The following SPATA13 variants were observed in gnomAD, a reference collection of about 807,000 sequenced individuals.
SPATA13 encodes spermatogenesis-associated protein 13.
SPATA13 carries 50 observed loss-of-function variants against 104.0 expected under a neutral mutation model. That is an observed-to-expected ratio of 0.48 (90% confidence interval 0.38 to 0.61). SPATA13 has a LOEUF of 0.61. SPATA13 is among the 20% of genes least tolerant of loss of function. The pLI is 0.00. For synonymous variants in SPATA13, 606 were observed against 667.5 expected (o/e 0.91, Z 1.42); for missense variants, 1,524 against 1,690.6 (o/e 0.90, Z 1.73).
At chr13:24,208,234 T>C (rs982430756) in intron 1 of SPATA13, among the ~76,000 whole-genome samples, 2 of 152,196 alleles carry the variant, frequency 1.3e-5, no homozygotes, top group Admixed American at 1.3e-4. Flanking sequence ...GTGACGGAAC[T>C]GGGGAGTGAT....
intron 3 of SPATA13, among the ~76,000 whole-genome samples, chr13:24,065,786 G>A (rs906109107): frequency 2.6e-5 from 4 of 152,104 alleles, no homozygotes; most frequent in South Asian, 2.1e-4. Flanking sequence ...TAGTTCTTTC[G>A]ACAATGCTGT....
At position 24,275,831 on chromosome 13, in the gene SPATA13, G is replaced by A. The variant is rs1343655053; in HGVS notation, c.2165-8304G>A. Among the ~76,000 whole-genome samples, 5 of 152,354 alleles carry A rather than the reference G, an allele frequency of 3.3e-5. No homozygotes were observed. In the East Asian group the frequency reaches 9.6e-4, roughly 29 times the overall value. On this transcript the variant is annotated intron_variant, in intron 4 of 12. Coordinates refer to ENST00000382108, the MANE Select transcript of SPATA13 (RefSeq NM_001166271.3). ...CACCTGTAATCTCAGCTACTCGGTA[G>A]TCTTAGGCAGGAGAATCTCTGGAAC...
chr13:24,044,314 T>A (rs1878052298), intron 3 of SPATA13, among the ~76,000 whole-genome samples: 1 of 145,244 alleles, frequency 6.9e-6, no homozygotes, highest in Admixed American at 6.9e-5. Flanking sequence ...CTCACTGCAA[T>A]CTCCACCTCC....
chr13:24,278,047 G>A (rs1012518091), intron 4 of SPATA13, among the ~76,000 whole-genome samples: 2 of 152,210 alleles, frequency 1.3e-5, no homozygotes, highest in African/African-American at 4.8e-5. Flanking sequence ...TCAGGTCCTT[G>A]ACAGGCCCCA....
intron 3 of SPATA13, among the ~76,000 whole-genome samples, chr13:24,049,912 G>A (rs1198920086): frequency 5.9e-5 from 9 of 151,934 alleles, no homozygotes; most frequent in East Asian, 3.9e-4. Flanking sequence ...TTGCTCTGTC[G>A]CCCAGGCTGG....
rs775752454 is a variant in SPATA13 at position 24,224,414 on chromosome 13, C to T, written c.1485C>T (p.Ser495=). The change falls in exon 2 of 13, where the codon TCC becomes TCT. Residue 495 remains serine, a synonymous_variant. Coordinates refer to ENST00000382108, the MANE Select transcript of SPATA13 (RefSeq NM_001166271.3). ...ASCHSNHSAL[S]ANSEESEGRA... is the part of the protein sequence containing the mutation. ...GTCACAGCAATCACAGTGCCCTGTC[C>T]GCGAATTCAGAGGAAAGTGAAGGAA... The T allele has an allele frequency of 2.6e-5, 40 of 1,551,688 alleles. No individual in the cohort carries two copies. Among genetic ancestry groups the T allele is most frequent in the South Asian group, 1.7e-4 (14 of 84,054 alleles).
intron 3 of SPATA13, chr13:24,122,256 A>G: frequency 7.6e-7 from 1 of 1,313,962 alleles, no homozygotes; most frequent in Non-Finnish European, 1.1e-6. Flanking sequence ...GCCTGATACC[A>G]CACAGGATTA....
chr13:24,004,438 G>A (rs1876124386), intron 2 of SPATA13, among the ~76,000 whole-genome samples: 2 of 152,032 alleles, frequency 1.3e-5, no homozygotes, highest in South Asian at 2.1e-4. Context: ...TTTATTTCCC[G>A]GCTCTCTAGT....
Position 23,980,147 on chromosome 13 carries a change from G to C in SPATA13, c.-354+223G>C, listed in dbSNP as rs544773477. 2.0e-5 allele frequency among the ~76,000 whole-genome samples: 3 copies of C among 152,156 alleles called. No homozygotes were observed. In the South Asian group the frequency reaches 6.2e-4, roughly 32 times the overall value. The stretch of plus-strand genomic sequence containing the variant: ...CGAGCTTGCAGTGAGCCGAGATCGC[G>C]CCACTCCATCCTCGGCGACAGAGCG... On this transcript the variant is annotated intron_variant, in intron 1 of 14. Transcript: ENST00000424834.
At chr13:24,046,197 G>C (rs1038236799) in intron 3 of SPATA13, among the ~76,000 whole-genome samples, 1 of 151,882 alleles carries the variant, frequency 6.6e-6, no homozygotes, top group Non-Finnish European at 1.5e-5. Context: ...TTTAGGTTAA[G>C]AAACAGCCTC....
chr13:24,169,700 C>G (rs1253260539), intron 1 of SPATA13, among the ~76,000 whole-genome samples: 1 of 152,204 alleles, frequency 6.6e-6, no homozygotes, highest in African/African-American at 2.4e-5. Flanking sequence ...AGTCTCTCTC[C>G]TCTCACTCAA....
At chr13:24,278,984 CCCTCCCTCCCTT>C (rs1179462074) in intron 4 of SPATA13, among the ~76,000 whole-genome samples, 10 of 119,484 alleles carry the variant, frequency 8.4e-5, no homozygotes, top group South Asian at 5.3e-4. Flanking sequence ...CTCCCTCCCT[CCCTCCCTCCCTT>C]CCTTCCTTCC....
intron 2 of SPATA13, among the ~76,000 whole-genome samples, chr13:23,987,788 A>G (rs9507206): frequency 0.27 from 40,347 of 151,946 alleles, 5,590 homozygotes; most frequent in Middle Eastern, 0.33. Context: ...ACCCCTGGCA[A>G]CCACCATTCT....
chr13:24,248,146 C>T (rs1174171856), intron 2 of SPATA13, among the ~76,000 whole-genome samples: 1 of 152,216 alleles, frequency 6.6e-6, no homozygotes, highest in Non-Finnish European at 1.5e-5. Flanking sequence ...CTGACGCAGC[C>T]CTCCTCTCTG....
chr13:24,110,729 A>G (rs995043348), intron 3 of SPATA13, among the ~76,000 whole-genome samples: 1 of 152,192 alleles, frequency 6.6e-6, no homozygotes, highest in Non-Finnish European at 1.5e-5. Context: ...ATACATATGT[A>G]ACCTAGGATA....
intron 3 of SPATA13, chr13:24,122,177 C>A (rs1881050667): frequency 6.4e-7 from 1 of 1,559,124 alleles, no homozygotes; most frequent in African/African-American, 1.4e-5. Context: ...GGCTGCTCTT[C>A]TTTGATCAGC....
chr13:24,186,950 T>C (rs950480616), intron 1 of SPATA13, among the ~76,000 whole-genome samples: 1 of 152,196 alleles, frequency 6.6e-6, no homozygotes, highest in African/African-American at 2.4e-5. Flanking sequence ...AAAAAGAGCC[T>C]CATTATGGGT....
chr13:24,294,682 CA>C, intron 9 of SPATA13, 56 bp from the exon 10 acceptor site: 1 of 1,525,562 alleles, frequency 6.6e-7, no homozygotes, highest in Non-Finnish European at 8.9e-7. Flanking sequence ...ATTATTTTGC[CA>C]GTCCTCATTT....
At chr13:24,229,876 T>G (rs1872164265) in intron 2 of SPATA13, among the ~76,000 whole-genome samples, 1 of 152,214 alleles carries the variant, frequency 6.6e-6, no homozygotes, top group African/African-American at 2.4e-5. Flanking sequence ...CAGATACACT[T>G]AAAACATAGG....
Sources: allele counts gnomAD v4.1 joint callset (sites outside exome capture counted in the v4.1 genomes callset), GRCh38; gene constraint gnomAD v4.1.1; transcripts MANE v1.5; gene names NCBI Gene and HGNC (gene_info 2026-07-23, HGNC 2026-07-21).